The following IRAK1BP1 variants were observed in gnomAD, a reference collection of about 807,000 sequenced individuals.
IRAK1BP1 encodes the protein interleukin-1 receptor-associated kinase 1-binding protein 1.
A neutral mutation model predicts 28.0 loss-of-function variants in IRAK1BP1; 24 were observed. The observed-to-expected ratio is 0.86, with a 90% CI of 0.62 to 1.20. IRAK1BP1 has a LOEUF of 1.20. Among genes scored for constraint, IRAK1BP1 ranks in the 50% most tolerant of loss-of-function variants. The pLI, the probability that IRAK1BP1 is intolerant of heterozygous loss-of-function variation, is 0.00. For missense variants in IRAK1BP1, 336 were observed against 316.7 expected (o/e 1.06, Z -0.46); for synonymous variants, 131 against 116.3 (o/e 1.13, Z -0.81).
downstream of IRAK1BP1, among the ~76,000 whole-genome samples, chr6:78,950,891 T>C (rs1380521722): frequency 6.6e-6 from 1 of 152,154 alleles, no homozygotes; most frequent in African/African-American, 2.4e-5. Flanking sequence ...CTTTGGGTGA[T>C]TTTACTCTTC....
At chr6:78,930,341 A>G (rs1415580443) in intron 4 of IRAK1BP1, among the ~76,000 whole-genome samples, 2 of 152,208 alleles carry the variant, frequency 1.3e-5, no homozygotes, top group African/African-American at 4.8e-5. Flanking sequence ...AAATACTGCT[A>G]TGAATAATTT....
chr6:78,927,333 A>G (rs1359435258), intron 4 of IRAK1BP1, among the ~76,000 whole-genome samples: 1 of 151,996 alleles, frequency 6.6e-6, no homozygotes, highest in Non-Finnish European at 1.5e-5. Context: ...CCTTTTTGCC[A>G]TTTGTATGTC....
At chr6:78,977,694 A>G in the IRAK1BP1 span, among the ~76,000 whole-genome samples, 2 of 152,184 alleles carry the variant, frequency 1.3e-5, no homozygotes, top group African/African-American at 2.4e-5. Context: ...TGTATTAAAT[A>G]TAATTTCACA....
chr6:78,975,948 C>T, the IRAK1BP1 span, among the ~76,000 whole-genome samples: 1 of 151,146 alleles, frequency 6.6e-6, no homozygotes, highest in South Asian at 2.1e-4. Context: ...GGCCATACTG[C>T]CCAAGGTAAT....
downstream of IRAK1BP1, chr6:78,946,740 G>A: frequency 6.3e-7 from 1 of 1,586,624 alleles, no homozygotes; most frequent in Admixed American, 1.9e-5. Flanking sequence ...AAACAGAGCT[G>A]CTTCTGTTTC....
At chr6:78,887,712 G>A (rs1224757630) in intron 2 of IRAK1BP1, among the ~76,000 whole-genome samples, 5 of 151,992 alleles carry the variant, frequency 3.3e-5, no homozygotes, top group Admixed American at 2.0e-4. Context: ...AGACAGTGTC[G>A]ATGAGAAAGT....
chr6:78,953,052 T>A, the IRAK1BP1 span, among the ~76,000 whole-genome samples: 14 of 152,108 alleles, frequency 9.2e-5, no homozygotes, highest in Non-Finnish European at 1.3e-4. Flanking sequence ...GTTTTTTTTT[T>A]AAATCATTAG....
At chr6:78,955,385 T>G in the IRAK1BP1 span, 1 of 840,926 alleles carries the variant, frequency 1.2e-6, no homozygotes. Flanking sequence ...GGAACACCTG[T>G]AATGTATATG....
chr6:78,913,362 G>A (rs375071257), intron 4 of IRAK1BP1, among the ~76,000 whole-genome samples: 94 of 150,072 alleles, frequency 6.3e-4, no homozygotes, highest in Middle Eastern at 3.6e-3. Context: ...AGTCATTACT[G>A]GGGCCGGGCG....
chr6:78,944,939 T>C (rs183087779), intron 4 of IRAK1BP1, among the ~76,000 whole-genome samples: 1 of 151,584 alleles, frequency 6.6e-6, no homozygotes, highest in Admixed American at 6.6e-5. Context: ...ACAACCCCAA[T>C]GAATTATTAT....
chr6:78,930,967 AAAAAAAT>A, intron 4 of IRAK1BP1, among the ~76,000 whole-genome samples: 1 of 29,780 alleles, frequency 3.4e-5, no homozygotes, highest in Non-Finnish European at 7.5e-5. Flanking sequence ...AATAAAATAA[AAAAAAAT>A]TAACCAGAAA....
At chr6:78,960,119 AAATTT>A in the IRAK1BP1 span, among the ~76,000 whole-genome samples, 2 of 152,296 alleles carry the variant, frequency 1.3e-5, no homozygotes, top group South Asian at 4.1e-4. Flanking sequence ...TGAAAATTCA[AAATTT>A]GAAGTATGGT....
intron 4 of IRAK1BP1, among the ~76,000 whole-genome samples, chr6:78,930,049 A>G (rs541619683): frequency 6.6e-6 from 1 of 152,142 alleles, no homozygotes; most frequent in East Asian, 1.9e-4. Flanking sequence ...CATTCCTCCT[A>G]TGTGAGCCTC....
chr6:78,909,590 A>G (rs1228790502), intron 4 of IRAK1BP1, among the ~76,000 whole-genome samples: 2 of 152,234 alleles, frequency 1.3e-5, no homozygotes, highest in Non-Finnish European at 2.9e-5. Flanking sequence ...CTAAATCTGA[A>G]CAGCACTGCT....
intron 4 of IRAK1BP1, among the ~76,000 whole-genome samples, chr6:78,918,233 G>A (rs1772613277): frequency 6.6e-6 from 1 of 152,032 alleles, no homozygotes; most frequent in Non-Finnish European, 1.5e-5. Flanking sequence ...GAAGTTTGAG[G>A]CTGCAGTGAG....
At chr6:78,878,997 GA>G (rs1409328118) in intron 1 of IRAK1BP1, among the ~76,000 whole-genome samples, 4 of 152,180 alleles carry the variant, frequency 2.6e-5, no homozygotes, top group Non-Finnish European at 4.4e-5. Flanking sequence ...GCGACTATGT[GA>G]AAAGACCAAA....
intron 4 of IRAK1BP1, among the ~76,000 whole-genome samples, chr6:78,912,575 G>A (rs1162345699): frequency 1.3e-5 from 2 of 152,102 alleles, no homozygotes; most frequent in Non-Finnish European, 2.9e-5. Flanking sequence ...TGCAGGGAGT[G>A]AGCTGCAGTG....
At chr6:78,972,769 A>G in the IRAK1BP1 span, among the ~76,000 whole-genome samples, 2 of 152,192 alleles carry the variant, frequency 1.3e-5, no homozygotes, top group African/African-American at 2.4e-5. Flanking sequence ...ACTGGAAGAA[A>G]GGGTATCAGC....
chr6:78,943,104 T>C (rs1322882183), intron 4 of IRAK1BP1, among the ~76,000 whole-genome samples: 1 of 152,148 alleles, frequency 6.6e-6, no homozygotes, highest in Non-Finnish European at 1.5e-5. Context: ...ATTTTGGATA[T>C]AATGGGATAA....
Sources: allele counts gnomAD v4.1 joint callset (sites outside exome capture counted in the v4.1 genomes callset), GRCh38; gene constraint gnomAD v4.1.1; transcripts MANE v1.5; gene names NCBI Gene and HGNC (gene_info 2026-07-23, HGNC 2026-07-21).